The following RET variants were observed in gnomAD, a reference collection of about 807,000 sequenced individuals.
RET encodes the protein ret proto-oncogene, also known as proto-oncogene tyrosine-protein kinase receptor Ret.
Under a neutral mutation model 118.3 loss-of-function variants are expected in RET, and 19 were observed. The observed-to-expected ratio is 0.16, with a 90% CI of 0.11 to 0.24. RET has a LOEUF of 0.24. RET is among the 10% of genes least tolerant of loss of function. The probability of loss-of-function intolerance (pLI) is 1.00; values close to 1 mark genes in which losing one functional copy is unlikely to be tolerated. For missense variants in RET, 1,219 were observed against 1,502.1 expected, an observed-to-expected ratio of 0.81 and a Z score of 3.12; for synonymous variants, 597 against 644.1, an observed-to-expected ratio of 0.93 and a Z score of 1.11.
intron 1 of RET, among the ~76,000 whole-genome samples, chr10:43,091,822 CAAAAAA>C (rs60545334): frequency 1.7e-5 from 2 of 114,610 alleles, no homozygotes; most frequent in Non-Finnish European, 3.6e-5. Flanking sequence ...TGTCTACTAT[CAAAAAA>C]AAAAAAAAAA....
Position 43,106,843 on chromosome 10 carries a change from C to A in RET, c.1063+272C>A, listed in dbSNP as rs1054739560. ...CACCACACCCCCCTGCTGACCTCACCAGGGCTCACCACCGACTGCAAACAC... is the reference window on the plus strand; with the variant it reads ...CACCACACCCCCCTGCTGACCTCACAAGGGCTCACCACCGACTGCAAACAC... On this transcript the variant is annotated intron_variant, in intron 5 of 19. Coordinates refer to ENST00000355710, the MANE Select transcript of RET (RefSeq NM_020975.6). The surrounding 1 kb of genome is among the most constrained non-coding windows in gnomAD (Gnocchi z 5.1). Among the ~76,000 whole-genome samples the A allele has an allele frequency of 3.3e-5, 5 of 152,200 alleles. No homozygotes were observed. Among genetic ancestry groups the A allele is most frequent in the Non-Finnish European group, 7.3e-5 (5 of 68,032 alleles).
intron 17 of RET, 124 bp from the exon 18 acceptor site, chr10:43,124,759 T>G: frequency 1.1e-6 from 1 of 929,170 alleles, no homozygotes; most frequent in Non-Finnish European, 1.8e-6. Flanking sequence ...AGAAATAGCT[T>G]TGGAGTTGGA....
rs912794715 is a variant in RET, at chr10:43,114,345, C to T, written c.1880-135C>T. On this transcript the variant is annotated intron_variant, in intron 10 of 19. Coordinates refer to ENST00000355710, the MANE Select transcript of RET (RefSeq NM_020975.6). The surrounding 1 kb of genome is among the most constrained non-coding windows in gnomAD (Gnocchi z 4.6). ...CTCGATGGGGTGTTCTCAGGCCTTC[C>T]CACACCTCCATGGCCACTTCCCAGC... The T allele has an allele frequency of 1.1e-5, 13 of 1,233,310 alleles. No homozygotes were observed. Among genetic ancestry groups the T allele is most frequent in the Non-Finnish European group, 1.5e-5 (13 of 871,466 alleles). The allele number at this position is 1,233,310 out of a possible 1,614,324, so 76.4% of individuals were successfully genotyped here.
chr10:43,107,557 C>CCA (rs1346345904), intron 5 of RET, among the ~76,000 whole-genome samples: 17 of 105,350 alleles, frequency 1.6e-4, no homozygotes, highest in Non-Finnish European at 2.5e-4. Flanking sequence ...ACCCCCCATG[C>CCA]CTCACACACA....
In RET at chr10:43,118,272, T is replaced by C. The variant is rs1838119220; in HGVS notation, c.2285-101T>C. 6 of 913,354 alleles carry C rather than the reference T, an allele frequency of 6.6e-6. No homozygotes were observed. In the Admixed American group the frequency reaches 9.8e-5, roughly 15 times the overall value. 56.6% of individuals were successfully genotyped at this position (913,354 alleles called of 1,614,324 possible). On this transcript the variant is annotated intron_variant, in intron 12 of 19. Transcript: ENST00000355710. ...CATCGTCTTTGCAGGCCTCTCTGTC[T>C]GAACTTGGGCAAGGCGATGCAGGTC...
chr10:43,081,170 C>T (rs897808862), intron 1 of RET, among the ~76,000 whole-genome samples: 4 of 151,742 alleles, frequency 2.6e-5, no homozygotes, highest in African/African-American at 9.7e-5. Flanking sequence ...GGAGCCCCTC[C>T]CCCAGAAGTG....
Position 43,125,091 on chromosome 10 carries a change from T to C in RET, c.3039+109T>C, listed in dbSNP as rs1296695387. On this transcript the variant is annotated intron_variant, in intron 18 of 19. Coordinates refer to ENST00000355710, the MANE Select transcript of RET (RefSeq NM_020975.6). ...CAGAGTTCCCAGTGTGGGGCCACAG[T>C]GGGATTGTGCAGAGAGAGAGAGTCA... 6 of 1,002,454 alleles carry C rather than the reference T, an allele frequency of 6.0e-6. No individual in the cohort carries two copies. The East Asian group carries it at 1.5e-4, about 26-fold the overall frequency. 62.1% of individuals were successfully genotyped at this position (1,002,454 alleles called of 1,614,324 possible).
intron 14 of RET, 128 bp from the exon 15 acceptor site, chr10:43,119,953 C>A: frequency 6.9e-7 from 1 of 1,442,676 alleles, no homozygotes; most frequent in Non-Finnish European, 9.5e-7. Context: ...CATGCCACAC[C>A]CCCGGCCCAG....
intron 19 of RET, chr10:43,127,414 A>G (rs1430791069): frequency 1.9e-6 from 2 of 1,057,842 alleles, no homozygotes; most frequent in Non-Finnish European, 2.3e-6. Context: ...TTGAAAGAAC[A>G]TGGTCTGTGG....
intron 5 of RET, among the ~76,000 whole-genome samples, chr10:43,108,396 T>A (rs947319180): frequency 6.6e-6 from 1 of 152,142 alleles, no homozygotes; most frequent in Non-Finnish European, 1.5e-5. Flanking sequence ...TTAGGTCCTG[T>A]TTATAATTTG....
chr10:43,113,024 C>T, intron 9 of RET, 61 bp downstream of exon 9: 1 of 1,399,924 alleles, frequency 7.1e-7, no homozygotes, highest in Non-Finnish European at 1.0e-6. Context: ...AACCTGGATC[C>T]CACAGGCACT....
Position 43,106,655 on chromosome 10 carries a change from C to A in RET, c.1063+84C>A. The A allele has an allele frequency of 3.6e-6, 5 of 1,385,992 alleles. No individual in the cohort carries two copies. Among genetic ancestry groups the A allele is most frequent in the African/African-American group, 1.4e-5 (1 of 69,942 alleles). 85.9% of individuals were successfully genotyped at this position (1,385,992 alleles called of 1,614,324 possible). On this transcript the variant is annotated intron_variant, in intron 5 of 19. Transcript: ENST00000355710. This position sits in a 1 kb window ranked among gnomAD's most constrained non-coding sequence, Gnocchi z 5.1. ...TCATGGGCAAGCAGCACCCTACACACATGCACACCTGGCATGGCCCTCTGT... is the reference window on the plus strand; with the variant it reads ...TCATGGGCAAGCAGCACCCTACACAAATGCACACCTGGCATGGCCCTCTGT...
At chr10:43,082,217 G>A (rs1167340313) in intron 1 of RET, among the ~76,000 whole-genome samples, 1 of 152,200 alleles carries the variant, frequency 6.6e-6, no homozygotes, top group Non-Finnish European at 1.5e-5. Context: ...AGCTCCTCCT[G>A]GCTGGGCTCT....
At position 43,129,762 on chromosome 10, in the gene RET, G is replaced by A; in HGVS notation, c.*1493G>A. 2.6e-6 allele frequency: 1 copy of A among 391,884 alleles called. No individual in the cohort carries two copies. The highest frequency in any genetic ancestry group is 4.5e-6 in the Non-Finnish European group (1 of 221,972). 24.3% of individuals were successfully genotyped at this position (391,884 alleles called of 1,614,324 possible). A position where few individuals can be genotyped will look rare whatever the true frequency, so the allele number is the denominator to read the frequency against. On this transcript the variant is annotated 3_prime_UTR_variant, in exon 20 of 20. Transcript: ENST00000355710. ...GTGAGGCCAAGGCTTGGATGCGTGTGTAATAGAGCCTTGTGGTGTGTGCGC... is the reference window on the plus strand; with the variant it reads ...GTGAGGCCAAGGCTTGGATGCGTGTATAATAGAGCCTTGTGGTGTGTGCGC...
chr10:43,104,903 C>T lies in RET; in HGVS notation c.626-49C>T, dbSNP rs1381620754. The T allele has an allele frequency of 4.5e-6, 7 of 1,538,680 alleles. No individual in the cohort carries two copies. Among genetic ancestry groups the T allele is most frequent in the Non-Finnish European group, 6.1e-6 (7 of 1,149,434 alleles). On this transcript the variant is annotated intron_variant, in intron 3 of 19. Coordinates refer to ENST00000355710, the MANE Select transcript of RET (RefSeq NM_020975.6). ...CCCCTTCCCGAGGAAAGCGGCTGGCCCGGTCCCGGCTGGTGATCACGCGGG... is the reference window on the plus strand; with the variant it reads ...CCCCTTCCCGAGGAAAGCGGCTGGCTCGGTCCCGGCTGGTGATCACGCGGG...
At chr10:43,084,799 A>G (rs967196590) in intron 1 of RET, among the ~76,000 whole-genome samples, 1 of 152,136 alleles carries the variant, frequency 6.6e-6, no homozygotes, top group African/African-American at 2.4e-5. Flanking sequence ...CCATGGTGTC[A>G]CTGCTTGTGC....
Position 43,106,273 on chromosome 10 carries a change from C to T in RET, c.868-103C>T. The T allele has an allele frequency of 9.6e-6, 11 of 1,148,278 alleles. No homozygotes were observed. Among genetic ancestry groups the T allele is most frequent in the African/African-American group, 1.5e-5 (1 of 66,026 alleles). 71.1% of individuals were successfully genotyped at this position (1,148,278 alleles called of 1,614,324 possible). ...GCTCTGACAACACACATCTGGTCCA[C>T]CTATGGGCTGTGTGGGACGTGCAGC... On this transcript the variant is annotated intron_variant, in intron 4 of 19. Coordinates refer to ENST00000355710, the MANE Select transcript of RET (RefSeq NM_020975.6). The surrounding 1 kb of genome is among the most constrained non-coding windows in gnomAD (Gnocchi z 5.1).
In RET at chr10:43,077,099, G is replaced by C; in HGVS notation, c.-160G>C. 3 of 1,072,414 alleles carry C rather than the reference G, an allele frequency of 2.8e-6. No homozygotes were observed. The highest frequency in any genetic ancestry group is 3.6e-6 in the Non-Finnish European group (3 of 833,750). The allele number at this position is 1,072,414 out of a possible 1,614,324, so 66.4% of individuals were successfully genotyped here. ...CGCGACCGAAGCAGGGCGCGCAGCA[G>C]CGCTGAGTGCCCCGGAACGTGCGTC... On this transcript the variant is annotated 5_prime_UTR_variant, in exon 1 of 20. Transcript: ENST00000355710.
intron 1 of RET, among the ~76,000 whole-genome samples, chr10:43,079,781 G>A (rs1437236368): frequency 6.6e-6 from 1 of 152,158 alleles, no homozygotes; most frequent in Non-Finnish European, 1.5e-5. Flanking sequence ...CTCTGCAGAG[G>A]GCCTAGGCAG....
Sources: gnomAD v4.1 joint callset for allele counts (sites outside exome capture counted in the v4.1 genomes callset) on GRCh38, gnomAD v4.1.1 for gene constraint, Gnocchi (gnomAD v3.1) non-coding constraint, MANE v1.5 for transcripts, NCBI Gene and HGNC (gene_info 2026-07-23, HGNC 2026-07-21) for gene names.